TRAF2: variants seen among roughly 807,000 people sequenced by gnomAD.
The protein encoded by TRAF2 is TNF receptor associated factor 2, also known as TNF receptor-associated factor 2.
Under a neutral mutation model 55.6 loss-of-function variants are expected in TRAF2, and 6 were observed. The ratio of observed to expected loss-of-function variants is 0.11; its 90% CI spans 0.06 to 0.21. The LOEUF (loss-of-function observed/expected upper bound fraction) is 0.21. TRAF2 is among the 10% of genes least tolerant of loss of function. The probability of loss-of-function intolerance (pLI) is 1.00; values close to 1 mark genes in which losing one functional copy is unlikely to be tolerated. For missense variants in TRAF2, 561 were observed against 684.5 expected (o/e 0.82, Z 2.01); for synonymous variants, 329 against 276.3 (o/e 1.19, Z -1.89).
chr9:136,919,622 T>C (rs906397120), intron 7 of TRAF2, among the ~76,000 whole-genome samples: 4 of 151,742 alleles, frequency 2.6e-5, no homozygotes, highest in Non-Finnish European at 5.9e-5. Flanking sequence ...AATGGTGTGT[T>C]GCTTTTATTT....
intron 4 of TRAF2, among the ~76,000 whole-genome samples, chr9:136,907,566 C>T (rs1849983840): frequency 6.6e-6 from 1 of 152,240 alleles, no homozygotes; most frequent in African/African-American, 2.4e-5. Context: ...AGGCAGAGGC[C>T]AGCTGCCCGC....
intron 8 of TRAF2, 73 bp from the exon 9 acceptor site, chr9:136,920,965 G>C: frequency 2.6e-6 from 4 of 1,567,144 alleles, no homozygotes; most frequent in Non-Finnish European, 3.5e-6. Context: ...GCTGGAGATC[G>C]GTGGGTGTGG....
chr9:136,887,220 G>GCCTGGT (rs1329016165), intron 1 of TRAF2, among the ~76,000 whole-genome samples: 1 of 152,242 alleles, frequency 6.6e-6, no homozygotes, highest in African/African-American at 2.4e-5. Flanking sequence ...CGGGGCCGGG[G>GCCTGGT]CCTGGTCCTG....
chr9:136,896,320 A>G (rs1205970812), intron 1 of TRAF2, among the ~76,000 whole-genome samples: 1 of 152,234 alleles, frequency 6.6e-6, no homozygotes, highest in Non-Finnish European at 1.5e-5. Context: ...CGGGGAGCGC[A>G]AGAAGGCACT....
intron 7 of TRAF2, among the ~76,000 whole-genome samples, chr9:136,918,255 A>ATATATATATATTTATT (rs1402432355): frequency 6.0e-4 from 14 of 23,348 alleles, no homozygotes; most frequent in African/African-American, 2.5e-3. Context: ...ATATATATAT[A>ATATATATATATTTATT]TATTTATTTA....
At chr9:136,887,571 G>C (rs920325007) in intron 1 of TRAF2, among the ~76,000 whole-genome samples, 1 of 152,160 alleles carries the variant, frequency 6.6e-6, no homozygotes, top group East Asian at 1.9e-4. Context: ...GTCTGGTCTG[G>C]GTCAAGTCAA....
intron 4 of TRAF2, among the ~76,000 whole-genome samples, chr9:136,907,719 G>GGT (rs899398561): frequency 6.6e-6 from 1 of 152,174 alleles, no homozygotes; most frequent in Non-Finnish European, 1.5e-5. Flanking sequence ...GTTAGGAGCT[G>GGT]GTGTGTGTGG....
upstream of TRAF2, among the ~76,000 whole-genome samples, chr9:136,884,336 T>C (rs1168220331): frequency 4.6e-5 from 7 of 151,628 alleles, no homozygotes; most frequent in African/African-American, 9.6e-5. Flanking sequence ...AGGCAGGCAA[T>C]TGCCTGAGCT....
At chr9:136,910,039 T>C (rs370050048) in intron 6 of TRAF2, 45 bp downstream of exon 6, 227 of 1,590,686 alleles carry the variant, frequency 1.4e-4, no homozygotes, top group Non-Finnish European at 1.8e-4. Context: ...GCGGGGCCCA[T>C]GTGTTGGACG....
rs372440278 is a variant in TRAF2, at chr9:136,908,036, G to A, written c.367-34G>A. The A allele has an allele frequency of 4.3e-5, 68 of 1,578,308 alleles. No individual in the cohort carries two copies. In the African/African-American group the frequency reaches 8.1e-4, roughly 19 times the overall value. On this transcript the variant is annotated intron_variant, in intron 4 of 10. Transcript: ENST00000247668. ...CTGTGGCTGCCCAAATGTCCCACGC[G>A]AGTTCTACTGACGCTTCCTCCTTTC...
intron 1 of TRAF2, among the ~76,000 whole-genome samples, chr9:136,890,796 G>A (rs1429453156): frequency 6.6e-6 from 1 of 152,242 alleles, no homozygotes; most frequent in Non-Finnish European, 1.5e-5. Flanking sequence ...TGTCCTGGCT[G>A]TCTGGGGTTG....
At chr9:136,899,072 T>C (rs1227782499) in intron 2 of TRAF2, 144 bp downstream of exon 2, 3 of 814,634 alleles carry the variant, frequency 3.7e-6, no homozygotes, top group African/African-American at 3.5e-5. Context: ...TTTCGGAGGT[T>C]TACCACAAAG....
chr9:136,899,594 C>T lies in TRAF2; in HGVS notation c.189C>T (p.Ser63=). 1 of 1,608,640 alleles carries T rather than the reference C, an allele frequency of 6.2e-7. No individual in the cohort carries two copies. The highest frequency in any genetic ancestry group is 8.5e-7 in the Non-Finnish European group (1 of 1,176,560). ...YCSFCLASIL[S]SGPQNCAACV... The stretch of plus-strand genomic sequence containing the variant: ...GTTTTTTGCCTTTTTTCCCCACTAG[C>T]TCTGGGCCTCAGAACTGTGCTGCCT... Residue 63 remains serine, a splice_region_variant and synonymous_variant, in exon 3 of 11, where the codon AGC becomes AGT. Transcript: ENST00000247668.
At chr9:136,925,351 ATG>A (rs1850503590) in intron 10 of TRAF2, among the ~76,000 whole-genome samples, 2 of 152,328 alleles carry the variant, frequency 1.3e-5, no homozygotes, top group African/African-American at 2.4e-5. Flanking sequence ...TCTTTGCCAG[ATG>A]TGTTATTTTT....
At chr9:136,917,410 T>C (rs1850268550) in intron 7 of TRAF2, among the ~76,000 whole-genome samples, 1 of 152,202 alleles carries the variant, frequency 6.6e-6, no homozygotes, top group Non-Finnish European at 1.5e-5. Flanking sequence ...TGGACCCCCC[T>C]GCTCCACCCC....
chr9:136,925,905 C>T lies in TRAF2; in HGVS notation c.*4C>T. The stretch of plus-strand genomic sequence containing the variant: ...TGTGGACCTGACAGGGCTCTAACTG[C>T]CCCCTACTGGTGTCTGGGGGTTGGG... On this transcript the variant is annotated 3_prime_UTR_variant, in exon 11 of 11. Transcript: ENST00000247668. 2 of 1,613,976 alleles carry T rather than the reference C, an allele frequency of 1.2e-6. No homozygotes were observed. Among genetic ancestry groups the T allele is most frequent in the Non-Finnish European group, 1.7e-6 (2 of 1,179,986 alleles).
Position 136,888,810 on chromosome 9 carries a change from G to A in TRAF2, c.-29+2269G>A, listed in dbSNP as rs117600465. On this transcript the variant is annotated intron_variant, in intron 1 of 10. Transcript: ENST00000247668. ...GTGAAGGCCTCTGATTTCTTGTGGG[G>A]GTGTCCCATTGTGAAGGGAACACAC... Among the ~76,000 whole-genome samples, 870 of 152,188 alleles carry A rather than the reference G, an allele frequency of 5.7e-3. 31 individuals are homozygous for A. Among genetic ancestry groups the A allele is most frequent in the East Asian group, 0.053 (272 of 5,170 alleles).
chr9:136,899,018 C>T (rs1849752660), intron 2 of TRAF2, 90 bp downstream of exon 2: 5 of 1,359,908 alleles, frequency 3.7e-6, no homozygotes, highest in Admixed American at 2.2e-5. Context: ...CCCAGCAGAG[C>T]CGGGTCCAGC....
chr9:136,886,571 TCGGGCG>T (rs1181165705), intron 1 of TRAF2, 30 bp downstream of exon 1: 6 of 945,894 alleles, frequency 6.3e-6, no homozygotes, highest in Non-Finnish European at 6.2e-6. Flanking sequence ...GGGTGCGGGG[TCGGGCG>T]CGGGCGCGGG....
Sources: allele counts gnomAD v4.1 joint callset (sites outside exome capture counted in the v4.1 genomes callset), GRCh38; gene constraint gnomAD v4.1.1; transcripts MANE v1.5; gene names NCBI Gene and HGNC (gene_info 2026-07-23, HGNC 2026-07-21).